Variants in INHBE observed in about 807,000 individuals in gnomAD.
INHBE encodes inhibin subunit beta E.
A neutral mutation model predicts 27.8 loss-of-function variants in INHBE; 19 were observed. The observed-to-expected ratio is 0.68, with a 90% CI of 0.48 to 1.00. The LOEUF is 1.00. Among genes scored for constraint, INHBE ranks in the 50% least tolerant of loss-of-function variants. The pLI is 0.00. For synonymous variants in INHBE, 196 were observed against 187.2 expected, an observed-to-expected ratio of 1.05 and a Z score of -0.38; for missense variants, 398 against 433.9, an observed-to-expected ratio of 0.92 and a Z score of 0.73.
Position 57,456,322 on chromosome 12 carries a change from G to A in INHBE, c.527G>A (p.Ser176Asn). ...LGWHTLTLPS[S>N]GLRGEKSGVL... ...TGGCATACCTTAACTCTGCCCTCTA[G>A]TGGCTTGAGGGGTGAGAAGTCTGGT... The change falls in exon 2 of 2, where the codon AGT becomes AAT. Residue 176 changes from serine to asparagine, a missense_variant. Ser to Asn is a conservative substitution (Grantham distance 46). Coordinates refer to ENST00000266646, the MANE Select transcript of INHBE (RefSeq NM_031479.5). 1.9e-6 allele frequency: 3 copies of A among 1,614,170 alleles called. No individual in the cohort carries two copies. Among genetic ancestry groups the A allele is most frequent in the Non-Finnish European group, 2.5e-6 (3 of 1,180,036 alleles).
At position 57,455,346 on chromosome 12, in the gene INHBE, C is replaced by T; in HGVS notation, c.-191C>T. On this transcript the variant is annotated 5_prime_UTR_variant, in exon 1 of 2. Transcript: ENST00000266646. ...AGCTGTGAGGGTCAAGCACAGCTAT[C>T]CATCAGATGATCTACTTTCAGCCTT... is the stretch of plus-strand genomic sequence containing the variant. 1 of 602,028 alleles carries T rather than the reference C, an allele frequency of 1.7e-6. No individual in the cohort carries two copies. 37.3% of individuals were successfully genotyped at this position (602,028 alleles called of 1,614,324 possible).
Position 57,455,644 on chromosome 12 carries a change from C to A in INHBE, c.108C>A (p.Pro36=), listed in dbSNP as rs1463782970. ...CPSCGGSKLA[P]QAERALVLEL... ...CCTGTGGGGGCTCCAAACTGGCACC[C>A]CAAGCAGAACGAGCTCTGGTGCTGG... Residue 36 remains proline (P), a synonymous_variant, in exon 1 of 2, where the codon CCC becomes CCA. Transcript: ENST00000266646. The A allele has an allele frequency of 1.2e-6, 2 of 1,614,010 alleles. No individual in the cohort carries two copies. Among genetic ancestry groups the A allele is most frequent in the South Asian group, 2.2e-5 (2 of 91,070 alleles).
Position 57,457,360 on chromosome 12 carries a change from G to C in INHBE, c.*512G>C, listed in dbSNP as rs565421896. The C allele has an allele frequency of 6.5e-6, 1 of 153,994 alleles. No individual in the cohort carries two copies. The highest frequency in any genetic ancestry group is 1.4e-5 in the Non-Finnish European group (1 of 69,384). 9.5% of individuals were successfully genotyped at this position (153,994 alleles called of 1,614,324 possible). ...ATGCTTAGGGGACCCCCAGAAACAGGAGTCAGGAAAATGAGGCACTAAGCC... is the reference window on the plus strand; with the variant it reads ...ATGCTTAGGGGACCCCCAGAAACAGCAGTCAGGAAAATGAGGCACTAAGCC... On this transcript the variant is annotated 3_prime_UTR_variant, in exon 2 of 2. Transcript: ENST00000266646.
At position 57,456,203 on chromosome 12, in the gene INHBE, C is replaced by T. The variant is rs146810686; in HGVS notation, c.408C>T (p.Gly136=). ...LWLHVLPTLP[G]TLCLRIFRWG... is the part of the protein sequence containing the mutation. ...TGCACGTGCTCCCCACCCTTCCTGGCACTCTTTGCTTGAGGATCTTCCGAT... is the reference window on the plus strand; with the variant it reads ...TGCACGTGCTCCCCACCCTTCCTGGTACTCTTTGCTTGAGGATCTTCCGAT... Residue 136 remains glycine, a synonymous_variant, in exon 2 of 2, where the codon GGC becomes GGT. Coordinates refer to ENST00000266646, the MANE Select transcript of INHBE (RefSeq NM_031479.5). 15 of 1,613,994 alleles carry T rather than the reference C, an allele frequency of 9.3e-6. No individual in the cohort carries two copies. In the African/African-American group the frequency reaches 1.6e-4, roughly 17 times the overall value.
chr12:57,455,985 CT>C, intron 1 of INHBE, 108 bp from the exon 2 acceptor site: 2 of 1,434,638 alleles, frequency 1.4e-6, no homozygotes, highest in Non-Finnish European at 9.5e-7. Context: ...GCAGTCTCTA[CT>C]TTTCTAGAGG....
At position 57,456,768 on chromosome 12, in the gene INHBE, C is replaced by G; in HGVS notation, c.973C>G (p.Leu325Val). ...CCCTACTGCCCGAAGGCCCCTCTCT[C>G]TCCTCTACCTGGATCATAATGGCAA... Reference protein sequence around the residue: ...CVPTARRPLSLLYLDHNGNVV... With the variant: ...CVPTARRPLSVLYLDHNGNVV... Residue 325 changes from leucine (L) to valine (V), a missense_variant, in exon 2 of 2, where the codon CTC (leucine) becomes GTC (valine). Transcript: ENST00000266646. The G allele has an allele frequency of 6.2e-7, 1 of 1,614,262 alleles. No homozygotes were observed. The highest frequency in any genetic ancestry group is 8.5e-7 in the Non-Finnish European group (1 of 1,180,052).
Position 57,456,873 on chromosome 12 carries a change from G to A in INHBE, c.*25G>A. On this transcript the variant is annotated 3_prime_UTR_variant, in exon 2 of 2. Transcript: ENST00000266646. ...GCAAGAGGACCTGGGGCTTTGGAGT[G>A]AAGAGACCAAGATGAAGTTTCCCAG... 1 of 1,595,392 alleles carries A rather than the reference G, an allele frequency of 6.3e-7. No homozygotes were observed.
Position 57,456,530 on chromosome 12 carries a change from C to T in INHBE, c.735C>T (p.Pro245=). ...CCCCCACCTGTGAGCCTGCGACCCC[C>T]TTATGTTGCAGGCGAGACCATTACG... is the stretch of plus-strand genomic sequence containing the variant. ...RRTPTCEPAT[P]LCCRRDHYVD... is the part of the protein sequence containing the mutation. The change falls in exon 2 of 2, where the codon CCC becomes CCT. Residue 245 remains proline (P), a synonymous_variant. Coordinates refer to ENST00000266646, the MANE Select transcript of INHBE (RefSeq NM_031479.5). 6.2e-7 allele frequency: 1 copy of T among 1,614,194 alleles called. No homozygotes were observed. The highest frequency in any genetic ancestry group is 8.5e-7 in the Non-Finnish European group (1 of 1,180,030).
At position 57,456,358 on chromosome 12, in the gene INHBE, T is replaced by C; in HGVS notation, c.563T>C (p.Leu188Pro). The change falls in exon 2 of 2, where the codon CTG becomes CCG. Residue 188 changes from leucine to proline, a missense_variant. Transcript: ENST00000266646. ...GGTGAGAAGTCTGGTGTCCTGAAAC[T>C]GCAACTAGACTGCAGACCCCTAGAA... ...LRGEKSGVLK[L>P]QLDCRPLEGN... 1 of 1,614,078 alleles carries C rather than the reference T, an allele frequency of 6.2e-7. No individual in the cohort carries two copies. The highest frequency in any genetic ancestry group is 8.5e-7 in the Non-Finnish European group (1 of 1,180,016).
At position 57,456,557 on chromosome 12, in the gene INHBE, A is replaced by T. The variant is rs1870839685; in HGVS notation, c.762A>T (p.Val254=). Residue 254 remains valine (V), a synonymous_variant, in exon 2 of 2, where the codon GTA becomes GTT. Transcript: ENST00000266646. ...TPLCCRRDHY[V]DFQELGWRDW... Reference sequence around the variant, plus strand: ...TATGTTGCAGGCGAGACCATTACGTAGACTTCCAGGAACTGGGATGGCGGG... The same window carrying T: ...TATGTTGCAGGCGAGACCATTACGTTGACTTCCAGGAACTGGGATGGCGGG... The T allele has an allele frequency of 1.2e-6, 2 of 1,614,048 alleles. No individual in the cohort carries two copies. The highest frequency in any genetic ancestry group is 1.7e-6 in the Non-Finnish European group (2 of 1,180,036).
At position 57,456,994 on chromosome 12, in the gene INHBE, C is replaced by A; in HGVS notation, c.*146C>A. 1 of 835,092 alleles carries A rather than the reference C, an allele frequency of 1.2e-6. No homozygotes were observed. The highest frequency in any genetic ancestry group is 1.8e-6 in the Non-Finnish European group (1 of 544,664). The allele number at this position is 835,092 out of a possible 1,614,324, so 51.7% of individuals were successfully genotyped here. ...ATGACTCACTTGACCCCTATGGGAC[C>A]CAAATGGGCACTTTCTTGTCTGAGA... On this transcript the variant is annotated 3_prime_UTR_variant, in exon 2 of 2. Coordinates refer to ENST00000266646, the MANE Select transcript of INHBE (RefSeq NM_031479.5).
At position 57,456,520 on chromosome 12, in the gene INHBE, C is replaced by CT. The variant is rs1566553930; in HGVS notation, c.726dup (p.Ala243CysfsTer89). 1 of 1,614,190 alleles carries CT rather than the reference C, an allele frequency of 6.2e-7. No individual in the cohort carries two copies. The highest frequency in any genetic ancestry group is 1.1e-5 in the South Asian group (1 of 91,088). On this transcript the variant is annotated frameshift_variant, in exon 2 of 2. Coordinates refer to ENST00000266646, the MANE Select transcript of INHBE (RefSeq NM_031479.5). LOFTEE classifies it high-confidence loss of function. Reference sequence around the variant, plus strand: ...AGGAGGAGGACCCCCACCTGTGAGCCTGCGACCCCCTTATGTTGCAGGCGA... The same window carrying CT: ...AGGAGGAGGACCCCCACCTGTGAGCCTTGCGACCCCCTTATGTTGCAGGCGA...
rs370047938 is a variant in INHBE, at chr12:57,455,791, T to A, written c.255T>A (p.Ala85=). The A allele has an allele frequency of 3.1e-6, 5 of 1,613,776 alleles. No homozygotes were observed. In the African/African-American group the frequency reaches 6.7e-5, roughly 22 times the overall value. ...ALRRLQPGSV[A]PGNGEEVISF... ...GGAGACTACAGCCAGGGAGTGTGGC[T>A]CCAGGGAATGGGGAGGAGGTCATCA... The change falls in exon 1 of 2, where the codon GCT becomes GCA. Residue 85 remains alanine (A), a synonymous_variant. Transcript: ENST00000266646.
intron 1 of INHBE, 94 bp from the exon 2 acceptor site, chr12:57,456,000 G>A: frequency 2.7e-6 from 4 of 1,474,362 alleles, no homozygotes; most frequent in Non-Finnish European, 3.7e-6. Flanking sequence ...CTAGAGGTAG[G>A]TTCGAGGGAG....
rs913882784 is a variant in INHBE, at chr12:57,456,969, A to G, written c.*121A>G. On this transcript the variant is annotated 3_prime_UTR_variant, in exon 2 of 2. Coordinates refer to ENST00000266646, the MANE Select transcript of INHBE (RefSeq NM_031479.5). ...CCCAACCCAACAACCACCTGGCAAT[A>G]TGACTCACTTGACCCCTATGGGACC... 3.5e-6 allele frequency: 4 copies of G among 1,154,366 alleles called. No individual in the cohort carries two copies. The highest frequency in any genetic ancestry group is 1.5e-5 in the African/African-American group (1 of 65,078). The allele number at this position is 1,154,366 out of a possible 1,614,324, so 71.5% of individuals were successfully genotyped here.
In INHBE at chr12:57,457,441, A is replaced by G. The variant is rs1489559108; in HGVS notation, c.*593A>G. 3 of 151,146 alleles carry G rather than the reference A, an allele frequency of 2.0e-5. No individual in the cohort carries two copies. In the East Asian group the frequency reaches 6.0e-4, roughly 30 times the overall value. 9.4% of individuals were successfully genotyped at this position (151,146 alleles called of 1,614,324 possible). On this transcript the variant is annotated 3_prime_UTR_variant, in exon 2 of 2. Coordinates refer to ENST00000266646, the MANE Select transcript of INHBE (RefSeq NM_031479.5). ...AGGACCCACTGGGAGACAAGCATTT[A>G]TACTTTCTTTCTTCTTTTTTATTTT...
rs756910147 is a variant in INHBE at position 57,456,298 on chromosome 12, G to C, written c.503G>C (p.Trp168Ser). The change falls in exon 2 of 2, where the codon TGG becomes TCG. Residue 168 changes from tryptophan to serine, a missense_variant. Physicochemically the swap from Trp to Ser is radical, Grantham distance 177 (BLOSUM62 -3). Coordinates refer to ENST00000266646, the MANE Select transcript of INHBE (RefSeq NM_031479.5). ...GAGCACCACATCACCAACCTGGGCT[G>C]GCATACCTTAACTCTGCCCTCTAGT... is the stretch of plus-strand genomic sequence containing the variant. ...LAEHHITNLG[W>S]HTLTLPSSGL... 1.2e-6 allele frequency: 2 copies of C among 1,614,124 alleles called. No homozygotes were observed. The highest frequency in any genetic ancestry group is 8.5e-7 in the Non-Finnish European group (1 of 1,180,024).
chr12:57,455,657 G>T lies in INHBE; in HGVS notation c.121G>T (p.Ala41Ser). 6.2e-7 allele frequency: 1 copy of T among 1,614,156 alleles called. No homozygotes were observed. ...CAAACTGGCACCCCAAGCAGAACGAGCTCTGGTGCTGGAGCTAGCCAAGCA... is the reference window on the plus strand; with the variant it reads ...CAAACTGGCACCCCAAGCAGAACGATCTCTGGTGCTGGAGCTAGCCAAGCA... ...GSKLAPQAER[A>S]LVLELAKQQI... The change falls in exon 1 of 2, where the codon GCT (alanine) becomes TCT (serine). Residue 41 changes from alanine (A) to serine (S), a missense_variant. Coordinates refer to ENST00000266646, the MANE Select transcript of INHBE (RefSeq NM_031479.5).
At position 57,456,398 on chromosome 12, in the gene INHBE, T is replaced by C. The variant is rs376493434; in HGVS notation, c.603T>C (p.Val201=). Residue 201 remains valine (V), a synonymous_variant, in exon 2 of 2, where the codon GTT becomes GTC. Transcript: ENST00000266646. ...GACCCCTAGAAGGCAACAGCACAGT[T>C]ACTGGACAACCGAGGCGGCTCTTGG... ...DCRPLEGNST[V]TGQPRRLLDT... 8.1e-6 allele frequency: 13 copies of C among 1,614,002 alleles called. No homozygotes were observed. The African/African-American group carries it at 1.7e-4, about 22-fold the overall frequency.
Sources: gnomAD v4.1 joint callset for allele counts on GRCh38, gnomAD v4.1.1 for gene constraint, MANE v1.5 for transcripts, NCBI Gene and HGNC (gene_info 2026-07-23, HGNC 2026-07-21) for gene names.